Variants in COQ8B observed in about 807,000 individuals in gnomAD.
COQ8B encodes the protein atypical kinase COQ8B, mitochondrial.
In COQ8B, 44 loss-of-function variants were observed where a neutral mutation model predicts 62.0. The observed-to-expected ratio is 0.71, with a 90% CI of 0.56 to 0.91. The LOEUF is 0.91. Among genes scored for constraint, COQ8B ranks in the 40% least tolerant of loss-of-function variants. The probability of loss-of-function intolerance (pLI) is 0.00; values close to 1 mark genes in which losing one functional copy is unlikely to be tolerated. For missense variants in COQ8B, 649 were observed against 731.6 expected, an observed-to-expected ratio of 0.89 and a Z score of 1.30; for synonymous variants, 252 against 289.9, an observed-to-expected ratio of 0.87 and a Z score of 1.33.
chr19:40,697,851 T>TATATAGAGAGAGAGAG (rs1446181673), intron 12 of COQ8B, among the ~76,000 whole-genome samples: 21 of 54,724 alleles, frequency 3.8e-4, no homozygotes, highest in South Asian at 1.3e-3. Context: ...TATATATATA[T>TATATAGAGAGAGAGAG]AGAGAGAGAG....
chr19:40,703,363 C>G (rs2082075954), intron 9 of COQ8B, 178 bp downstream of exon 9: 7 of 645,958 alleles, frequency 1.1e-5, no homozygotes, highest in Non-Finnish European at 1.8e-5. Flanking sequence ...AAGGCTTTTC[C>G]CACACCTGCT....
intron 5 of COQ8B, among the ~76,000 whole-genome samples, chr19:40,706,036 A>G (rs1183238105): frequency 2.0e-5 from 3 of 152,218 alleles, no homozygotes; most frequent in South Asian, 2.1e-4. Context: ...TAGATGAGCT[A>G]TCACTACACA....
intron 5 of COQ8B, among the ~76,000 whole-genome samples, 166 bp from the exon 6 acceptor site, chr19:40,705,613 A>T (rs2082094823): frequency 6.6e-6 from 1 of 152,226 alleles, no homozygotes; most frequent in African/African-American, 2.4e-5. Flanking sequence ...TATTAAAAAA[A>T]ATATATATCA....
At position 40,705,435 on chromosome 19, in the gene COQ8B, C is replaced by T. The variant is rs750808380; in HGVS notation, c.380G>A (p.Gly127Glu). Residue 127 changes from glycine to glutamate, a missense_variant, in exon 6 of 15, where the codon GGG (glycine) becomes GAG (glutamate). Physicochemically the swap from Gly to Glu is moderately conservative, Grantham distance 98 (BLOSUM62 -2). Transcript: ENST00000324464. ...CGACAGGAAGGGGCTGGAGTCCAGC[C>T]CAGAACCACCCTCTGGGGAGAGAAC... ...GGRLQSEGGS[G>E]LDSSPFLSEA... is the part of the protein sequence containing the mutation. 3 of 1,571,190 alleles carry T rather than the reference C, an allele frequency of 1.9e-6. No individual in the cohort carries two copies. Among genetic ancestry groups the T allele is most frequent in the Admixed American group, 1.8e-5 (1 of 54,390 alleles).
chr19:40,708,602 A>C (rs931735977), intron 5 of COQ8B, among the ~76,000 whole-genome samples: 4 of 151,720 alleles, frequency 2.6e-5, no homozygotes, highest in Non-Finnish European at 5.9e-5. Context: ...CCAAACCCTA[A>C]TCCTCCACCT....
Position 40,705,434 on chromosome 19 carries a change from C to T in COQ8B, c.381G>A (p.Gly127=), listed in dbSNP as rs55895642. The T allele has an allele frequency of 4.5e-3, 7,101 of 1,571,680 alleles. 37 individuals are homozygous for T. The highest frequency in any genetic ancestry group is 4.9e-3 in the Middle Eastern group (29 of 5,888). The stretch of plus-strand genomic sequence containing the variant: ...CCGACAGGAAGGGGCTGGAGTCCAG[C>T]CCAGAACCACCCTCTGGGGAGAGAA... The part of the protein sequence containing the change: ...GGRLQSEGGS[G]LDSSPFLSEA... The change falls in exon 6 of 15, where the codon GGG becomes GGA. Residue 127 remains glycine, a synonymous_variant. Transcript: ENST00000324464.
chr19:40,707,276 G>GAA (rs902582163), intron 5 of COQ8B, among the ~76,000 whole-genome samples: 1 of 132,226 alleles, frequency 7.6e-6, no homozygotes. Flanking sequence ...CTCAAAAAAA[G>GAA]AAAAAAAAAA....
At chr19:40,703,471 C>T (rs2082077004) in intron 9 of COQ8B, 70 bp downstream of exon 9, 2 of 1,465,770 alleles carry the variant, frequency 1.4e-6, no homozygotes, top group South Asian at 2.8e-5. Context: ...CTCTGGGCTC[C>T]CCCTCCTGCT....
intron 8 of COQ8B, 45 bp from the exon 9 acceptor site, chr19:40,703,667 T>C: frequency 1.2e-6 from 2 of 1,613,848 alleles, no homozygotes; most frequent in Non-Finnish European, 1.7e-6. Flanking sequence ...GTCACTTCTC[T>C]GGGCTAGCAG....
Position 40,705,110 on chromosome 19 carries a change from G to T in COQ8B, c.562C>A (p.Arg188Ser). 6.2e-7 allele frequency: 1 copy of T among 1,610,164 alleles called. No individual in the cohort carries two copies. The highest frequency in any genetic ancestry group is 1.7e-5 in the Admixed American group (1 of 59,318). The change falls in exon 7 of 15, where the codon CGC becomes AGC. Residue 188 changes from arginine to serine, a missense_variant. Physicochemically the swap from Arg to Ser is moderately radical, Grantham distance 110. Transcript: ENST00000324464. ...TGGGCACTCACCAGCATCTGCCAGC[G>T]GGGCATGAAGTCGGCGCTCTGGCGG... ...RVRQSADFMP[R>S]WQMLRVLEEE... is the part of the protein sequence containing the mutation.
intron 9 of COQ8B, 49 bp downstream of exon 9, chr19:40,703,492 G>C: frequency 6.5e-7 from 1 of 1,532,460 alleles, no homozygotes; most frequent in Non-Finnish European, 8.8e-7. Flanking sequence ...TTCTCTCTCT[G>C]GGCATAGCCC....
intron 13 of COQ8B, among the ~76,000 whole-genome samples, chr19:40,693,480 G>A (rs1417693176): frequency 6.6e-6 from 1 of 152,204 alleles, no homozygotes; most frequent in Admixed American, 6.5e-5. Context: ...CGGGGCACAG[G>A]GTCTGGTGCT....
At chr19:40,699,678 C>T (rs2082046635) in intron 12 of COQ8B, among the ~76,000 whole-genome samples, 1 of 152,240 alleles carries the variant, frequency 6.6e-6, no homozygotes, top group Non-Finnish European at 1.5e-5. Flanking sequence ...TAGCCAGGGA[C>T]TCCATTTTCC....
chr19:40,705,516 C>T lies in COQ8B; in HGVS notation c.368-69G>A, dbSNP rs144521488. Reference sequence around the variant, plus strand: ...CACTGCGGCCAGGCCCGGCGGCCCACGCCTGTAATCCCAGCACTTTGGGAG... The same window carrying T: ...CACTGCGGCCAGGCCCGGCGGCCCATGCCTGTAATCCCAGCACTTTGGGAG... On this transcript the variant is annotated intron_variant, in intron 5 of 14. Transcript: ENST00000324464. 1,125 of 1,461,062 alleles carry T rather than the reference C, an allele frequency of 7.7e-4. 6 individuals carry two copies. In the African/African-American group the frequency reaches 0.015, roughly 19 times the overall value. The allele number at this position is 1,461,062 out of a possible 1,614,324, so 90.5% of individuals were successfully genotyped here. A position where few individuals can be genotyped will look rare whatever the true frequency, so the allele number is the denominator to read the frequency against.
chr19:40,704,035 C>T, intron 7 of COQ8B, 180 bp from the exon 8 acceptor site: 1 of 745,540 alleles, frequency 1.3e-6, no homozygotes, highest in Non-Finnish European at 2.1e-6. Context: ...GTGCAAGTGA[C>T]TAGCCAGGCA....
chr19:40,692,633 G>A (rs2144678066), intron 14 of COQ8B, among the ~76,000 whole-genome samples: 1 of 152,128 alleles, frequency 6.6e-6, no homozygotes, highest in Non-Finnish European at 1.5e-5. Context: ...CTACAACAGA[G>A]AAGCGGCCTT....
intron 12 of COQ8B, among the ~76,000 whole-genome samples, chr19:40,699,698 T>C (rs2082046782): frequency 6.6e-6 from 1 of 152,208 alleles, no homozygotes; most frequent in South Asian, 2.1e-4. Flanking sequence ...CAGCATGCCT[T>C]GCACCTAGGC....
intron 1 of COQ8B, chr19:40,715,683 C>G: frequency 1.1e-6 from 1 of 908,836 alleles, no homozygotes; most frequent in African/African-American, 1.8e-5. Context: ...CTCACACACC[C>G]TGTTCTCTCC....
intron 13 of COQ8B, among the ~76,000 whole-genome samples, chr19:40,693,505 T>G (rs1052350721): frequency 2.2e-4 from 34 of 152,158 alleles, no homozygotes; most frequent in African/African-American, 8.2e-4. Context: ...AGGCCCTGGG[T>G]GAACCTTGCT....
Sources: allele counts gnomAD v4.1 joint callset (sites outside exome capture counted in the v4.1 genomes callset), GRCh38; gene constraint gnomAD v4.1.1; transcripts MANE v1.5; gene names NCBI Gene and HGNC (gene_info 2026-07-23, HGNC 2026-07-21).